Variants in PCCB observed in about 807,000 individuals in gnomAD.
The protein encoded by PCCB is propionyl-CoA carboxylase beta chain, mitochondrial.
PCCB carries 43 observed loss-of-function variants against 60.7 expected under a neutral mutation model. The observed-to-expected ratio is 0.71, with a 90% confidence interval of 0.55 to 0.91. The LOEUF is 0.91. PCCB is among the 40% of genes least tolerant of loss of function. The pLI is 0.00. For missense variants in PCCB, 766 were observed against 702.8 expected (o/e 1.09, Z -1.02); for synonymous variants, 276 against 255.9 (o/e 1.08, Z -0.75).
At chr3:136,299,807 TAG>T (rs1934153906) in intron 8 of PCCB, among the ~76,000 whole-genome samples, 3 of 151,260 alleles carry the variant, frequency 2.0e-5, no homozygotes, top group Admixed American at 6.6e-5. Context: ...TGTGTATGTA[TAG>T]GTATGCATGT....
intron 6 of PCCB, among the ~76,000 whole-genome samples, 185 bp from the exon 7 acceptor site, chr3:136,293,571 A>T (rs1393076872): frequency 6.6e-6 from 1 of 152,208 alleles, no homozygotes; most frequent in Admixed American, 6.5e-5. Context: ...AAATTTTTTA[A>T]AAAAGACAAT....
At chr3:136,287,572 A>C (rs1160320426) in intron 6 of PCCB, among the ~76,000 whole-genome samples, 1 of 151,984 alleles carries the variant, frequency 6.6e-6, no homozygotes, top group Non-Finnish European at 1.5e-5. Context: ...AGCTGGGACT[A>C]CAGGCGTGTG....
intron 9 of PCCB, among the ~76,000 whole-genome samples, chr3:136,301,509 C>T (rs555211622): frequency 6.6e-6 from 1 of 152,134 alleles, no homozygotes; most frequent in South Asian, 2.1e-4. Flanking sequence ...GTACACAGGG[C>T]ATCCTAGAAG....
chr3:136,285,557 T>C (rs1299078009), intron 6 of PCCB, among the ~76,000 whole-genome samples: 1 of 152,176 alleles, frequency 6.6e-6, no homozygotes, highest in Non-Finnish European at 1.5e-5. Context: ...AAATCGTTTT[T>C]TTTTTTTAAG....
chr3:136,261,896 G>A (rs1372034081), intron 4 of PCCB, 56 bp from the exon 5 acceptor site: 2 of 1,204,104 alleles, frequency 1.7e-6, no homozygotes, highest in African/African-American at 3.0e-5. Context: ...TTTTGTGAAT[G>A]TCGTTTTTTA....
Position 136,327,181 on chromosome 3 carries a change from ATCC to A in PCCB, c.1226_1228del (p.Ile409del), listed in dbSNP as rs746850300. 1.9e-4 allele frequency: 312 copies of A among 1,614,070 alleles called. No homozygotes were observed. The highest frequency in any genetic ancestry group is 2.8e-4 in the Admixed American group (17 of 60,026). ...CACAGCACAGGAATACGGGGGCATC[ATCC>A]GGCATGGTGCCAAGCTTCTCTACGC... On this transcript the variant is annotated inframe_deletion, in exon 12 of 15. Coordinates refer to ENST00000251654, the MANE Select transcript of PCCB (RefSeq NM_000532.5).
At chr3:136,285,394 C>T (rs1933354377) in intron 6 of PCCB, among the ~76,000 whole-genome samples, 2 of 152,084 alleles carry the variant, frequency 1.3e-5, no homozygotes. Flanking sequence ...GGTACTAGAT[C>T]CTCCCATCAA....
At chr3:136,325,717 A>G (rs933149024) in intron 10 of PCCB, among the ~76,000 whole-genome samples, 44 of 151,946 alleles carry the variant, frequency 2.9e-4, no homozygotes, top group African/African-American at 1.0e-3. Context: ...ATCTATTGAG[A>G]TGTTCATATA....
chr3:136,297,840 A>G lies in PCCB; in HGVS notation c.764-112A>G, dbSNP rs573494493. 1.2e-4 allele frequency: 142 copies of G among 1,162,122 alleles called. No homozygotes were observed. The South Asian group carries it at 1.5e-3, about 12-fold the overall frequency. The allele number at this position is 1,162,122 out of a possible 1,614,324, so 72.0% of individuals were successfully genotyped here. Reference sequence around the variant, plus strand: ...AGTGGAGGGTGCAGAGAACAGAGCTATCAGCACGGTCTGCTACTGACATGC... The same window carrying G: ...AGTGGAGGGTGCAGAGAACAGAGCTGTCAGCACGGTCTGCTACTGACATGC... On this transcript the variant is annotated intron_variant, in intron 7 of 14. Coordinates refer to ENST00000251654, the MANE Select transcript of PCCB (RefSeq NM_000532.5).
At chr3:136,329,799 GCT>G in intron 14 of PCCB, 104 bp from the exon 15 acceptor site, 1 of 1,261,060 alleles carries the variant, frequency 7.9e-7, no homozygotes, top group Non-Finnish European at 1.2e-6. Context: ...GTTGGGCACT[GCT>G]TATACTGCTG....
intron 1 of PCCB, among the ~76,000 whole-genome samples, chr3:136,255,017 C>T (rs1941631340): frequency 6.6e-6 from 1 of 151,968 alleles, no homozygotes; most frequent in African/African-American, 2.4e-5. Context: ...GCTGGGAAGA[C>T]AGGCGCATGC....
chr3:136,272,011 T>G (rs1233712303), intron 5 of PCCB, among the ~76,000 whole-genome samples: 1 of 152,222 alleles, frequency 6.6e-6, no homozygotes, highest in Non-Finnish European at 1.5e-5. Flanking sequence ...CATATATTGC[T>G]TTTACTATTT....
At chr3:136,256,099 A>G in intron 2 of PCCB, 124 bp downstream of exon 2, 1 of 1,397,546 alleles carries the variant, frequency 7.2e-7, no homozygotes, top group South Asian at 1.2e-5. Context: ...GCAGACATCA[A>G]GCCCAGATAA....
intron 3 of PCCB, chr3:136,259,081 A>G (rs1046715801): frequency 8.2e-6 from 10 of 1,225,236 alleles, no homozygotes; most frequent in Non-Finnish European, 9.4e-6. Flanking sequence ...TATGCCCACA[A>G]TAAGCCCTTT....
At chr3:136,260,943 C>G (rs1941804249) in intron 4 of PCCB, among the ~76,000 whole-genome samples, 1 of 152,146 alleles carries the variant, frequency 6.6e-6, no homozygotes, top group Non-Finnish European at 1.5e-5. Context: ...GTAAAAATAT[C>G]TGTGGCTTCT....
At chr3:136,296,835 GAAAC>G (rs777671500) in intron 7 of PCCB, among the ~76,000 whole-genome samples, 36 of 152,124 alleles carry the variant, frequency 2.4e-4, no homozygotes, top group South Asian at 4.1e-4. Context: ...TGTAAAAAAA[GAAAC>G]AAAACAAAAC....
chr3:136,284,238 A>G (rs2108182658), intron 6 of PCCB, among the ~76,000 whole-genome samples: 1 of 152,310 alleles, frequency 6.6e-6, no homozygotes, highest in East Asian at 1.9e-4. Context: ...GACCAGATAG[A>G]TGACTGTTTA....
intron 5 of PCCB, among the ~76,000 whole-genome samples, chr3:136,269,643 T>C (rs914800170): frequency 5.9e-5 from 9 of 151,836 alleles, no homozygotes; most frequent in African/African-American, 2.2e-4. Context: ...CCCAGCACTT[T>C]GGGAGGCCGA....
chr3:136,299,768 A>G (rs184681965), intron 8 of PCCB, among the ~76,000 whole-genome samples: 1 of 149,850 alleles, frequency 6.7e-6, no homozygotes, highest in East Asian at 2.0e-4. Flanking sequence ...GTGTATGTAT[A>G]GGTATGCATG....
Sources: allele counts gnomAD v4.1 joint callset (sites outside exome capture counted in the v4.1 genomes callset), GRCh38; gene constraint gnomAD v4.1.1; transcripts MANE v1.5; gene names NCBI Gene and HGNC (gene_info 2026-07-23, HGNC 2026-07-21).